ADAM10: variants seen among roughly 807,000 people sequenced by gnomAD.
The protein encoded by ADAM10 is ADAM metallopeptidase domain 10.
A neutral mutation model predicts 90.1 loss-of-function variants in ADAM10; 17 were observed. The ratio of observed to expected loss-of-function variants is 0.19; its 90% CI spans 0.13 to 0.28. ADAM10 has a LOEUF of 0.28. Ranked by LOEUF, ADAM10 falls within the 10% of genes least tolerant of loss-of-function variation. The pLI is 1.00. For missense variants in ADAM10, 610 were observed against 914.3 expected (o/e 0.67, Z 4.29); for synonymous variants, 310 against 298.6 (o/e 1.04, Z -0.40).
intron 5 of ADAM10, chr15:58,655,126 A>C (rs923373864): frequency 2.6e-5 from 4 of 152,006 alleles, no homozygotes; most frequent in African/African-American, 7.3e-5. Flanking sequence ...ATTGAAGTCT[A>C]TCTCTCTCTC....
chr15:58,709,915 A>T (rs1419536123), intron 2 of ADAM10, among the ~76,000 whole-genome samples: 1 of 152,164 alleles, frequency 6.6e-6, no homozygotes. Context: ...AGTTGAGTTT[A>T]TATTTTAAAA....
At chr15:58,696,462 C>CTTTTTTTTTT (rs1430575266) in intron 2 of ADAM10, among the ~76,000 whole-genome samples, 1 of 139,296 alleles carries the variant, frequency 7.2e-6, no homozygotes, top group African/African-American at 2.8e-5. Context: ...TTTTTTCTTT[C>CTTTTTTTTTT]TTTCTTTTTT....
intron 1 of ADAM10, among the ~76,000 whole-genome samples, chr15:58,728,922 C>T (rs569175551): frequency 6.6e-6 from 1 of 152,256 alleles, no homozygotes; most frequent in Non-Finnish European, 1.5e-5. Context: ...GATTAAATGA[C>T]AACCAGTGAC....
intron 3 of ADAM10, 135 bp downstream of exon 3, chr15:58,682,061 C>A: frequency 8.3e-7 from 1 of 1,197,994 alleles, no homozygotes. Flanking sequence ...TCTCAAAGAC[C>A]ATTACCCTTC....
intron 11 of ADAM10, among the ~76,000 whole-genome samples, chr15:58,616,348 T>G (rs1895614339): frequency 6.6e-6 from 1 of 152,198 alleles, no homozygotes; most frequent in Non-Finnish European, 1.5e-5. Context: ...CATTAGCACA[T>G]GAAACATTCT....
At chr15:58,741,057 C>A (rs1215089010) in intron 1 of ADAM10, among the ~76,000 whole-genome samples, 15 of 152,212 alleles carry the variant, frequency 9.9e-5, no homozygotes, top group Admixed American at 7.8e-4. Flanking sequence ...TAAATTAATA[C>A]CCCATCAAAT....
In ADAM10 at chr15:58,596,184, C is replaced by G. The variant is rs1260510627; in HGVS notation, c.*1363G>C. ...TGAAGTCAGGAAAATCATAGCTTTACTTCTAGTTGAAGTGATGTAGTTGGA... is the reference window on the plus strand; with the variant it reads ...TGAAGTCAGGAAAATCATAGCTTTAGTTCTAGTTGAAGTGATGTAGTTGGA... On this transcript the variant is annotated 3_prime_UTR_variant, in exon 16 of 16. Transcript: ENST00000260408. 1 of 151,706 alleles carries G rather than the reference C, an allele frequency of 6.6e-6. No homozygotes were observed. 9.4% of individuals were successfully genotyped at this position (151,706 alleles called of 1,614,324 possible). A position where few individuals can be genotyped will look rare whatever the true frequency, so the allele number is the denominator to read the frequency against.
intron 1 of ADAM10, among the ~76,000 whole-genome samples, chr15:58,735,667 T>C (rs1171750297): frequency 6.6e-6 from 1 of 152,182 alleles, no homozygotes; most frequent in Non-Finnish European, 1.5e-5. Context: ...ACAGACTCAA[T>C]TTCATTTTTT....
intron 2 of ADAM10, among the ~76,000 whole-genome samples, chr15:58,701,168 A>C (rs1898126830): frequency 6.6e-6 from 1 of 152,132 alleles, no homozygotes; most frequent in South Asian, 2.1e-4. Flanking sequence ...TAGCCTGTTG[A>C]ATAGAAGAAA....
At chr15:58,685,190 A>C (rs1897555782) in intron 2 of ADAM10, among the ~76,000 whole-genome samples, 3 of 148,570 alleles carry the variant, frequency 2.0e-5, no homozygotes, top group Non-Finnish European at 4.5e-5. Context: ...GACCAAGTGC[A>C]GTGGCTCACG....
rs559658515 is a variant in ADAM10 at position 58,660,077 on chromosome 15, C to T, written c.585+5020G>A. Among the ~76,000 whole-genome samples, 6 of 152,330 alleles carry T rather than the reference C, an allele frequency of 3.9e-5. No homozygotes were observed. The South Asian group carries it at 1.2e-3, about 32-fold the overall frequency. On this transcript the variant is annotated intron_variant, in intron 5 of 15. Coordinates refer to ENST00000260408, the MANE Select transcript of ADAM10 (RefSeq NM_001110.4). ...CTTTAAGACTGTCTTTAAGGATAAA[C>T]TCTGAGAATATGGATCCATAAATTA... is the stretch of plus-strand genomic sequence containing the variant.
chr15:58,629,883 T>C (rs1896055236), intron 9 of ADAM10, among the ~76,000 whole-genome samples: 1 of 152,050 alleles, frequency 6.6e-6, no homozygotes, highest in South Asian at 2.1e-4. Flanking sequence ...TCCCCGACCT[T>C]AGCTTCTCGA....
At chr15:58,611,194 C>A in intron 12 of ADAM10, 87 bp from the exon 13 acceptor site, 1 of 917,052 alleles carries the variant, frequency 1.1e-6, no homozygotes, top group East Asian at 2.4e-5. Context: ...TATGAGCTTC[C>A]AATGTCAAAA....
chr15:58,705,798 T>G (rs1240145403), intron 2 of ADAM10, among the ~76,000 whole-genome samples: 1 of 152,210 alleles, frequency 6.6e-6, no homozygotes, highest in Non-Finnish European at 1.5e-5. Context: ...TCAACTGTGG[T>G]CTGAAAATAG....
chr15:58,725,711 G>C (rs1001282804), intron 1 of ADAM10, among the ~76,000 whole-genome samples: 2 of 151,884 alleles, frequency 1.3e-5, no homozygotes, highest in Non-Finnish European at 2.9e-5. Context: ...GAGGAACAAA[G>C]ATAAAACTGA....
At position 58,692,371 on chromosome 15, in the gene ADAM10, C is replaced by A. The variant is rs534048426; in HGVS notation, c.207-10057G>T. 7 of 596,658 alleles carry A rather than the reference C, an allele frequency of 1.2e-5. No individual in the cohort carries two copies. The East Asian group carries it at 2.9e-4, about 25-fold the overall frequency. 37.0% of individuals were successfully genotyped at this position (596,658 alleles called of 1,614,324 possible). On this transcript the variant is annotated intron_variant, in intron 2 of 15. Transcript: ENST00000260408. ...CGGCTTGGTCTGGTTTAGTTCTTCC[C>A]GATCAGTGTATTTCTCCTTGATCTT... is the stretch of plus-strand genomic sequence containing the variant.
intron 1 of ADAM10, chr15:58,747,865 G>C (rs186692845): frequency 1.3e-5 from 2 of 152,178 alleles, no homozygotes; most frequent in East Asian, 3.9e-4. Context: ...AGAACATTTA[G>C]TATACTACTA....
chr15:58,705,935 T>TTA (rs1261983982), intron 2 of ADAM10, among the ~76,000 whole-genome samples: 2 of 152,238 alleles, frequency 1.3e-5, no homozygotes, highest in East Asian at 3.8e-4. Flanking sequence ...ATTTGTAAAC[T>TTA]GACCTTTATC....
chr15:58,714,866 T>C (rs1202815476), intron 2 of ADAM10, among the ~76,000 whole-genome samples: 2 of 152,116 alleles, frequency 1.3e-5, no homozygotes, highest in African/African-American at 4.8e-5. Flanking sequence ...AAGAAAGACC[T>C]AGCAGGAAAT....
Sources: gnomAD v4.1 joint callset for allele counts (sites outside exome capture counted in the v4.1 genomes callset) on GRCh38, gnomAD v4.1.1 for gene constraint, MANE v1.5 for transcripts, NCBI Gene and HGNC (gene_info 2026-07-23, HGNC 2026-07-21) for gene names.